RBMS1: variants seen among roughly 807,000 people sequenced by gnomAD.
The protein encoded by RBMS1 is RNA binding motif single stranded interacting protein 1, also known as RNA-binding motif, single-stranded-interacting protein 1.
Under a neutral mutation model 62.3 loss-of-function variants are expected in RBMS1, and 17 were observed. The observed-to-expected ratio is 0.27, with a 90% confidence interval of 0.19 to 0.41. The LOEUF (loss-of-function observed/expected upper bound fraction) is 0.41. RBMS1 is among the 10% of genes least tolerant of loss of function. RBMS1 has a pLI of 1.00. For missense variants in RBMS1, 334 were observed against 504.5 expected, an observed-to-expected ratio of 0.66 and a Z score of 3.24; for synonymous variants, 172 against 170.0, an observed-to-expected ratio of 1.01 and a Z score of -0.09.
intron 1 of RBMS1, among the ~76,000 whole-genome samples, chr2:160,416,479 T>A (rs1433342789): frequency 6.6e-6 from 1 of 152,204 alleles, no homozygotes; most frequent in Non-Finnish European, 1.5e-5. Context: ...ATTTTTCACA[T>A]GTAAGACATA....
At chr2:160,340,630 T>C (rs2105993829) in intron 2 of RBMS1, among the ~76,000 whole-genome samples, 1 of 152,124 alleles carries the variant, frequency 6.6e-6, no homozygotes, top group South Asian at 2.1e-4. Context: ...AATTTTCTGA[T>C]ATACAACTTA....
chr2:160,451,673 A>G (rs962996110), intron 1 of RBMS1, among the ~76,000 whole-genome samples: 1 of 151,964 alleles, frequency 6.6e-6, no homozygotes, highest in Non-Finnish European at 1.5e-5. Flanking sequence ...CAGTGGTGCA[A>G]TCTCGGCTCA....
Position 160,472,090 on chromosome 2 carries a change from C to G in RBMS1, c.75+21199G>C, listed in dbSNP as rs940720159. On this transcript the variant is annotated intron_variant, in intron 1 of 13. Coordinates refer to ENST00000348849, the MANE Select transcript of RBMS1 (RefSeq NM_016836.4). ...AAATTTCAGACAACAGACTAGAAAA[C>G]AGAAGCAAAAACAGCTGGCGTCACT... is the stretch of plus-strand genomic sequence containing the variant. Among the ~76,000 whole-genome samples the G allele has an allele frequency of 2.0e-5, 3 of 152,008 alleles. No homozygotes were observed. The East Asian group carries it at 5.8e-4, about 29-fold the overall frequency.
At chr2:160,396,240 A>AT (rs528860145) in intron 1 of RBMS1, among the ~76,000 whole-genome samples, 98 of 152,302 alleles carry the variant, frequency 6.4e-4, no homozygotes, top group Middle Eastern at 3.4e-3. Flanking sequence ...GTTGAAAAAA[A>AT]TTAACACTTT....
intron 1 of RBMS1, among the ~76,000 whole-genome samples, chr2:160,440,882 A>T (rs982316153): frequency 9.9e-5 from 15 of 152,202 alleles, no homozygotes; most frequent in South Asian, 2.1e-4. Flanking sequence ...TTTGCTTTTT[A>T]AAAAAATTGA....
chr2:160,493,210 C>T lies in RBMS1; in HGVS notation c.75+79G>A. The T allele has an allele frequency of 2.2e-6, 3 of 1,355,284 alleles. No individual in the cohort carries two copies. In the East Asian group the frequency reaches 7.2e-5, roughly 32 times the overall value. The allele number at this position is 1,355,284 out of a possible 1,614,324, so 84.0% of individuals were successfully genotyped here. ...GGCGGTGGCGGGGGTTCGCCGCGCG[C>T]CCCCCTCCCCAGGCCTGACCCTGCG... On this transcript the variant is annotated intron_variant, in intron 1 of 13. Transcript: ENST00000348849.
chr2:160,300,671 T>C lies in RBMS1; in HGVS notation c.620A>G (p.Lys207Arg). Residue 207 changes from lysine to arginine, a missense_variant, in exon 6 of 14, where the codon AAG becomes AGG. By Grantham distance (26) the Lys-to-Arg change is conservative. Around this residue, in one of 3 missense-constraint regions of RBMS1, gnomAD observed 182 missense variants for 257.7 expected, o/e 0.71. Transcript: ENST00000348849. ...CATACCAGAAACTCCTGGTGGTGTC[T>C]TAATAAATTTTCCATTAAAATGACC... ...VIGHFNGKFI[K>R]TPPGVSAPTE... The C allele has an allele frequency of 6.2e-7, 1 of 1,603,294 alleles. No homozygotes were observed. The highest frequency in any genetic ancestry group is 8.5e-7 in the Non-Finnish European group (1 of 1,175,858).
intron 1 of RBMS1, among the ~76,000 whole-genome samples, chr2:160,483,429 G>A (rs1260983698): frequency 2.6e-5 from 4 of 152,090 alleles, no homozygotes; most frequent in Admixed American, 2.6e-4. Flanking sequence ...ATTACATCAT[G>A]TCTATGGTTC....
chr2:160,422,428 A>G (rs1018864455), intron 1 of RBMS1, among the ~76,000 whole-genome samples: 4 of 152,220 alleles, frequency 2.6e-5, no homozygotes, highest in Non-Finnish European at 4.4e-5. Context: ...CACAAAAATT[A>G]TAGCATTAGA....
At chr2:160,397,172 T>G (rs1695193533) in intron 1 of RBMS1, among the ~76,000 whole-genome samples, 1 of 152,074 alleles carries the variant, frequency 6.6e-6, no homozygotes, top group Non-Finnish European at 1.5e-5. Flanking sequence ...TACTACTGCT[T>G]GAGTCATCCT....
chr2:160,368,422 T>TA (rs1350933848), intron 1 of RBMS1, among the ~76,000 whole-genome samples: 1 of 152,212 alleles, frequency 6.6e-6, no homozygotes, highest in Non-Finnish European at 1.5e-5. Flanking sequence ...GCTTGGTTTT[T>TA]ACCAGCACAA....
intron 1 of RBMS1, among the ~76,000 whole-genome samples, chr2:160,380,510 A>G (rs1291771642): frequency 6.6e-6 from 1 of 152,258 alleles, no homozygotes; most frequent in East Asian, 1.9e-4. Context: ...TCATTTTGCT[A>G]AAAAAGAAAA....
intron 1 of RBMS1, among the ~76,000 whole-genome samples, chr2:160,406,921 T>C (rs1420773481): frequency 1.3e-5 from 2 of 152,156 alleles, no homozygotes; most frequent in African/African-American, 4.8e-5. Context: ...GATTTCCCTG[T>C]GCTACTGAAA....
At chr2:160,284,498 G>C (rs990303575) in intron 9 of RBMS1, 12 of 417,508 alleles carry the variant, frequency 2.9e-5, no homozygotes, top group African/African-American at 2.4e-4. Flanking sequence ...TCCAAAAGCA[G>C]GGCCCCTTGG....
intron 2 of RBMS1, among the ~76,000 whole-genome samples, chr2:160,359,966 A>T (rs1347551387): frequency 1.3e-5 from 2 of 152,152 alleles, no homozygotes; most frequent in Non-Finnish European, 2.9e-5. Flanking sequence ...TATTCTTTTA[A>T]ATCCCAGCTA....
intron 1 of RBMS1, among the ~76,000 whole-genome samples, chr2:160,465,845 CACACACACACACACACACAT>C (rs1458992523): frequency 2.0e-5 from 2 of 99,674 alleles, no homozygotes; most frequent in Non-Finnish European, 4.3e-5. Flanking sequence ...CTCCCCACAC[CACACACACACACACACACAT>C]ACACACACAC....
chr2:160,439,267 T>A (rs1683283188), intron 1 of RBMS1, among the ~76,000 whole-genome samples: 1 of 141,266 alleles, frequency 7.1e-6, no homozygotes, highest in African/African-American at 2.7e-5. Flanking sequence ...ACGGGGTGGC[T>A]GCTGGGCGGA....
intron 6 of RBMS1, among the ~76,000 whole-genome samples, chr2:160,290,230 A>T (rs72969033): frequency 0.048 from 7,201 of 150,404 alleles, 237 homozygotes; most frequent in Middle Eastern, 0.11. Flanking sequence ...TATAGAGCGT[A>T]CCTTTCAGCT....
At chr2:160,383,475 C>A (rs1326050240) in intron 1 of RBMS1, among the ~76,000 whole-genome samples, 2 of 151,400 alleles carry the variant, frequency 1.3e-5, no homozygotes, top group Admixed American at 1.3e-4. Context: ...AACTGACCCA[C>A]TACAGTGGCT....
Sources: gnomAD v4.1 joint callset for allele counts (sites outside exome capture counted in the v4.1 genomes callset) on GRCh38, gnomAD v4.1.1 for gene constraint, gnomAD v4.1.1 regional missense constraint, MANE v1.5 for transcripts, NCBI Gene and HGNC (gene_info 2026-07-23, HGNC 2026-07-21) for gene names.